TRAPPC9: variants seen among roughly 807,000 people sequenced by gnomAD.
The protein encoded by TRAPPC9 is IKK2 binding protein.
In TRAPPC9, 83 loss-of-function variants were observed where a neutral mutation model predicts 124.0. The observed-to-expected ratio is 0.67, with a 90% CI of 0.56 to 0.80. The LOEUF (loss-of-function observed/expected upper bound fraction) is 0.80, where lower values mean the gene tolerates loss of function less well. Among genes scored for constraint, TRAPPC9 ranks in the 30% least tolerant of loss-of-function variants. The probability of loss-of-function intolerance (pLI) is 0.00; values close to 1 mark genes in which losing one functional copy is unlikely to be tolerated. For synonymous variants in TRAPPC9, 638 were observed against 617.5 expected, an observed-to-expected ratio of 1.03 and a Z score of -0.49; for missense variants, 1,302 against 1,508.3, an observed-to-expected ratio of 0.86 and a Z score of 2.27.
In TRAPPC9 at chr8:139,825,078, T is replaced by G; in HGVS notation, c.3055+60801A>C. Among the ~76,000 whole-genome samples, 1 of 150,360 alleles carries G rather than the reference T, an allele frequency of 6.7e-6. No homozygotes were observed. Among genetic ancestry groups the G allele is most frequent in the Non-Finnish European group, 1.5e-5 (1 of 67,496 alleles). ...CCACAGAGAACACTCAGGGGTGGGGTTGCTGGAGTGGGGGTCACAGATGAC... is the reference window on the plus strand; with the variant it reads ...CCACAGAGAACACTCAGGGGTGGGGGTGCTGGAGTGGGGGTCACAGATGAC... On this transcript the variant is annotated intron_variant, in intron 21 of 22. Coordinates refer to ENST00000438773, the MANE Select transcript of TRAPPC9 (RefSeq NM_001160372.4). The surrounding 1 kb of genome is among the most constrained non-coding windows in gnomAD (Gnocchi z 4.6).
At chr8:140,419,428 CAAA>C (rs61155157) in intron 5 of TRAPPC9, among the ~76,000 whole-genome samples, 8 of 79,584 alleles carry the variant, frequency 1.0e-4, no homozygotes, top group Non-Finnish European at 1.5e-4. Flanking sequence ...GACTCCGTCT[CAAA>C]AAAAAAAAAA....
chr8:140,020,263 T>C (rs1224359917), intron 18 of TRAPPC9, among the ~76,000 whole-genome samples: 1 of 152,232 alleles, frequency 6.6e-6, no homozygotes, highest in Non-Finnish European at 1.5e-5. Context: ...TTATTTCTTC[T>C]GCTTACTCTA....
rs1052477309 is a variant in TRAPPC9 at position 139,907,970 on chromosome 8, G to A, written c.2964+2177C>T. ...TTTCATCTGCAAGACGGGAAGACAG[G>A]ATAATGAAACCGCCCCAGGAGTCAG... On this transcript the variant is annotated intron_variant, in intron 20 of 22. Coordinates refer to ENST00000438773, the MANE Select transcript of TRAPPC9 (RefSeq NM_001160372.4). The surrounding 1 kb of genome is among the most constrained non-coding windows in gnomAD (Gnocchi z 4.7). Among the ~76,000 whole-genome samples, 3 of 152,172 alleles carry A rather than the reference G, an allele frequency of 2.0e-5. No individual in the cohort carries two copies. The highest frequency in any genetic ancestry group is 4.1e-4 in the South Asian group (2 of 4,832).
At chr8:140,124,627 C>T (rs1335018022) in intron 17 of TRAPPC9, among the ~76,000 whole-genome samples, 1 of 152,188 alleles carries the variant, frequency 6.6e-6, no homozygotes, top group African/African-American at 2.4e-5. Context: ...AAGCAAATCA[C>T]AAACCCAAGC....
chr8:140,440,083 T>G (rs1339428637), intron 2 of TRAPPC9, among the ~76,000 whole-genome samples: 1 of 152,194 alleles, frequency 6.6e-6, no homozygotes, highest in Non-Finnish European at 1.5e-5. Flanking sequence ...CCATTCTGAA[T>G]AAGTTTTAAA....
Position 139,813,125 on chromosome 8 carries a change from G to C in TRAPPC9, c.3055+72754C>G, listed in dbSNP as rs372673599. Among the ~76,000 whole-genome samples, 349 of 152,342 alleles carry C rather than the reference G, an allele frequency of 2.3e-3. 3 individuals carry two copies. The South Asian group carries it at 0.032, about 14-fold the overall frequency. ...CCAGCTGCTCAAGGACTGTGCTGCC[G>C]GTCTCCCTGTGTCCCCACAAGCAGG... is the stretch of plus-strand genomic sequence containing the variant. On this transcript the variant is annotated intron_variant, in intron 21 of 22. Coordinates refer to ENST00000438773, the MANE Select transcript of TRAPPC9 (RefSeq NM_001160372.4).
intron 5 of TRAPPC9, among the ~76,000 whole-genome samples, chr8:140,414,203 C>CA (rs1289777385): frequency 6.6e-6 from 1 of 151,702 alleles, no homozygotes; most frequent in African/African-American, 2.4e-5. Flanking sequence ...GAAGCATGAC[C>CA]AAAAAATATT....
chr8:139,777,948 G>A (rs1821506799), intron 21 of TRAPPC9, among the ~76,000 whole-genome samples: 1 of 152,008 alleles, frequency 6.6e-6, no homozygotes, highest in South Asian at 2.1e-4. Context: ...TTACAGGACA[G>A]AATACTGGAA....
intron 9 of TRAPPC9, among the ~76,000 whole-genome samples, chr8:140,329,654 T>C (rs1256243840): frequency 6.6e-6 from 1 of 152,236 alleles, no homozygotes; most frequent in African/African-American, 2.4e-5. Flanking sequence ...CCCAGGCTTC[T>C]TGAATCTATT....
intron 19 of TRAPPC9, among the ~76,000 whole-genome samples, chr8:139,940,956 G>A (rs1833876181): frequency 6.6e-6 from 1 of 152,220 alleles, no homozygotes; most frequent in South Asian, 2.1e-4. Flanking sequence ...AAGTGCATAA[G>A]CCGGGCACCC....
intron 18 of TRAPPC9, among the ~76,000 whole-genome samples, chr8:139,996,703 A>G (rs1838021387): frequency 6.6e-6 from 1 of 152,148 alleles, no homozygotes; most frequent in African/African-American, 2.4e-5. Flanking sequence ...CAGAAACCCA[A>G]AAAGTTTTTT....
chr8:140,446,065 G>A (rs1211334278), intron 2 of TRAPPC9, among the ~76,000 whole-genome samples: 3 of 152,212 alleles, frequency 2.0e-5, no homozygotes, highest in African/African-American at 7.2e-5. Context: ...GGCCAAGGCA[G>A]GTGGATCACT....
At chr8:140,195,386 ACACT>A (rs1176653292) in intron 17 of TRAPPC9, among the ~76,000 whole-genome samples, 1 of 152,098 alleles carries the variant, frequency 6.6e-6, no homozygotes, top group African/African-American at 2.4e-5. Context: ...TGATACTAAA[ACACT>A]CAATGATCCA....
At chr8:140,165,570 G>A (rs1007211718) in intron 17 of TRAPPC9, among the ~76,000 whole-genome samples, 2 of 136,294 alleles carry the variant, frequency 1.5e-5, no homozygotes, top group African/African-American at 5.5e-5. Flanking sequence ...GGGAAGGGAA[G>A]AGGAGGGGAA....
intron 19 of TRAPPC9, among the ~76,000 whole-genome samples, chr8:139,924,361 AC>A (rs1832682560): frequency 6.6e-6 from 1 of 152,142 alleles, no homozygotes; most frequent in African/African-American, 2.4e-5. Flanking sequence ...CCTGCACCTG[AC>A]CCGGCCACAT....
intron 17 of TRAPPC9, among the ~76,000 whole-genome samples, chr8:140,046,341 A>C (rs926937061): frequency 6.6e-6 from 1 of 152,400 alleles, no homozygotes; most frequent in South Asian, 2.1e-4. Flanking sequence ...CAAGGAGCCC[A>C]GTGTGGCTAC....
At chr8:139,932,367 C>T (rs373420226) in intron 19 of TRAPPC9, 2 of 457,784 alleles carry the variant, frequency 4.4e-6, no homozygotes, top group African/African-American at 2.0e-5. Flanking sequence ...TGACATATGC[C>T]ACACTGGATC....
At chr8:140,102,473 C>CCA (rs60084618) in intron 17 of TRAPPC9, among the ~76,000 whole-genome samples, 14,011 of 149,286 alleles carry the variant, frequency 0.094, 645 homozygotes, top group African/African-American at 0.13. Flanking sequence ...CCTCCCCCCA[C>CCA]CACACACACA....
intron 21 of TRAPPC9, among the ~76,000 whole-genome samples, chr8:139,819,687 T>C (rs1825114925): frequency 6.6e-6 from 1 of 152,068 alleles, no homozygotes; most frequent in South Asian, 2.1e-4. Flanking sequence ...CAGCACCAAG[T>C]ATGATTAATC....
Sources: gnomAD v4.1 joint callset for allele counts (sites outside exome capture counted in the v4.1 genomes callset) on GRCh38, gnomAD v4.1.1 for gene constraint, Gnocchi (gnomAD v3.1) non-coding constraint, MANE v1.5 for transcripts, NCBI Gene and HGNC (gene_info 2026-07-23, HGNC 2026-07-21) for gene names.